Variants in SLC17A8 observed in about 807,000 individuals in gnomAD.
SLC17A8 encodes solute carrier family 17 member 8, also known as vesicular glutamate transporter 3.
In SLC17A8, 31 loss-of-function variants were observed where a neutral mutation model predicts 58.0. That is an observed-to-expected ratio of 0.53 (90% confidence interval 0.40 to 0.72). The LOEUF (loss-of-function observed/expected upper bound fraction) is 0.72, where lower values mean the gene tolerates loss of function less well. SLC17A8 is among the 30% of genes least tolerant of loss of function. The pLI is 0.00. For synonymous variants in SLC17A8, 228 were observed against 249.0 expected, an observed-to-expected ratio of 0.92 and a Z score of 0.79; for missense variants, 655 against 727.8, an observed-to-expected ratio of 0.90 and a Z score of 1.15.
At chr12:100,376,643 G>C (rs1022323029) in intron 1 of SLC17A8, among the ~76,000 whole-genome samples, 7 of 152,182 alleles carry the variant, frequency 4.6e-5, no homozygotes, top group Admixed American at 4.6e-4. Flanking sequence ...CTGTATTAAT[G>C]ATCAAATAAG....
At chr12:100,402,844 T>G (rs1431826143) in intron 8 of SLC17A8, 99 bp downstream of exon 8, 9 of 1,246,314 alleles carry the variant, frequency 7.2e-6, no homozygotes, top group Non-Finnish European at 1.0e-5. Context: ...CTGATCATAA[T>G]TCATAACAGT....
At chr12:100,357,604 T>A (rs772446062) in intron 1 of SLC17A8, 112 bp downstream of exon 1, 2 of 746,088 alleles carry the variant, frequency 2.7e-6, no homozygotes, top group Non-Finnish European at 4.8e-6. Flanking sequence ...AGAGGATGGG[T>A]CAGATTAGAT....
At chr12:100,367,679 T>C (rs1279145221) in intron 1 of SLC17A8, among the ~76,000 whole-genome samples, 1 of 152,136 alleles carries the variant, frequency 6.6e-6, no homozygotes, top group East Asian at 1.9e-4. Flanking sequence ...GCCTCCTGAG[T>C]AGCTGAGACT....
chr12:100,395,678 T>A (rs557915823), intron 4 of SLC17A8, among the ~76,000 whole-genome samples: 42 of 151,908 alleles, frequency 2.8e-4, no homozygotes, highest in African/African-American at 9.9e-4. Flanking sequence ...AGTGGTGCAA[T>A]CTCAGCTCAC....
intron 1 of SLC17A8, among the ~76,000 whole-genome samples, chr12:100,379,003 C>T (rs755598410): frequency 2.0e-5 from 3 of 152,154 alleles, no homozygotes; most frequent in South Asian, 4.1e-4. Flanking sequence ...TAATATGTCA[C>T]GTTGTCTATT....
intron 2 of SLC17A8, among the ~76,000 whole-genome samples, chr12:100,382,612 T>G (rs1952645322): frequency 6.6e-6 from 1 of 152,214 alleles, no homozygotes; most frequent in Admixed American, 6.5e-5. Context: ...CACAGTTTTT[T>G]GAACTAGTGT....
At position 100,418,083 on chromosome 12, in the gene SLC17A8, G is replaced by A; in HGVS notation, c.1352G>A (p.Gly451Glu). The A allele has an allele frequency of 6.2e-7, 1 of 1,614,146 alleles. No homozygotes were observed. Among genetic ancestry groups the A allele is most frequent in the Non-Finnish European group, 8.5e-7 (1 of 1,180,022 alleles). The change falls in exon 11 of 12, where the codon GGG becomes GAG. Residue 451 changes from glycine to glutamate, a missense_variant. By Grantham distance (98) the Gly-to-Glu change is moderately conservative (BLOSUM62 -2). Coordinates refer to ENST00000323346, the MANE Select transcript of SLC17A8 (RefSeq NM_139319.3). ...IAPRYASILM[G>E]ISNGVGTLSG... ...CCACGCTATGCCAGCATTCTCATGGGGATCTCAAACGGAGTGGGAACCCTC... is the reference window on the plus strand; with the variant it reads ...CCACGCTATGCCAGCATTCTCATGGAGATCTCAAACGGAGTGGGAACCCTC...
At chr12:100,364,102 G>A (rs1217248504) in intron 1 of SLC17A8, among the ~76,000 whole-genome samples, 2 of 150,286 alleles carry the variant, frequency 1.3e-5, no homozygotes, top group Admixed American at 1.3e-4. Flanking sequence ...GTCAGCTTCT[G>A]GATGGTGTGG....
rs1293916585 is a variant in SLC17A8 at position 100,402,679 on chromosome 12, C to CTTT, written c.989_991dup (p.Phe330dup). On this transcript the variant is annotated inframe_insertion, in exon 8 of 12. Coordinates refer to ENST00000323346, the MANE Select transcript of SLC17A8 (RefSeq NM_139319.3). ...TGGCAAATTTTTGCAGAAGCTGGAC[C>CTTT]TTTTATTTGCTCCTCATAAGTCAGC... is the stretch of plus-strand genomic sequence containing the variant. 6.2e-7 allele frequency: 1 copy of CTTT among 1,613,940 alleles called. No homozygotes were observed. Among genetic ancestry groups the CTTT allele is most frequent in the Non-Finnish European group, 8.5e-7 (1 of 1,179,992 alleles).
intron 10 of SLC17A8, among the ~76,000 whole-genome samples, chr12:100,416,287 C>T (rs1172414654): frequency 1.3e-5 from 2 of 152,200 alleles, no homozygotes; most frequent in African/African-American, 4.8e-5. Flanking sequence ...TAATACTCAA[C>T]AATCATATTA....
intron 2 of SLC17A8, among the ~76,000 whole-genome samples, chr12:100,385,224 G>A (rs1195500240): frequency 1.4e-5 from 2 of 139,818 alleles, no homozygotes; most frequent in Non-Finnish European, 3.0e-5. Flanking sequence ...TGGCTTTGCT[G>A]TCTTAAACAT....
chr12:100,392,557 T>G (rs1295770957), intron 3 of SLC17A8, among the ~76,000 whole-genome samples: 1 of 152,214 alleles, frequency 6.6e-6, no homozygotes, highest in Non-Finnish European at 1.5e-5. Flanking sequence ...TCTATTGTAT[T>G]CTTTTTAAAA....
chr12:100,392,706 T>C (rs962845714), intron 3 of SLC17A8, among the ~76,000 whole-genome samples: 19 of 151,828 alleles, frequency 1.3e-4, no homozygotes, highest in African/African-American at 4.4e-4. Flanking sequence ...GGGAAGAAAA[T>C]GCTGCTTGCT....
intron 1 of SLC17A8, among the ~76,000 whole-genome samples, chr12:100,362,295 C>T (rs1398652651): frequency 6.6e-6 from 1 of 152,198 alleles, no homozygotes; most frequent in Non-Finnish European, 1.5e-5. Flanking sequence ...CCAGAACTGT[C>T]ACCTCATCAC....
At chr12:100,362,410 A>G (rs1173752631) in intron 1 of SLC17A8, among the ~76,000 whole-genome samples, 3 of 152,146 alleles carry the variant, frequency 2.0e-5, no homozygotes, top group Admixed American at 6.5e-5. Context: ...TTTTAAAATA[A>G]TAGAGATGGG....
At position 100,365,399 on chromosome 12, in the gene SLC17A8, C is replaced by T. The variant is rs192510705; in HGVS notation, c.101+7907C>T. ...TTTTCCTATTCAGATGACTTTAGTA[C>T]CAAGGGTATGCTGGAGAATACAGCC... is the stretch of plus-strand genomic sequence containing the variant. On this transcript the variant is annotated intron_variant, in intron 1 of 11. Transcript: ENST00000323346. Among the ~76,000 whole-genome samples, 375 of 152,272 alleles carry T rather than the reference C, an allele frequency of 2.5e-3. 1 individual carries two copies. Among genetic ancestry groups the T allele is most frequent in the Middle Eastern group, 6.8e-3 (2 of 294 alleles).
Position 100,393,445 on chromosome 12 carries a change from T to C in SLC17A8, c.550T>C (p.Cys184Arg). The C allele has an allele frequency of 3.1e-6, 5 of 1,613,770 alleles. No individual in the cohort carries two copies. The highest frequency in any genetic ancestry group is 4.2e-6 in the Non-Finnish European group (5 of 1,179,726). ...CTCTGCAGCCAGAGTGCATTACGGA[T>C]GCGTCATGTGTGTCAGAATTCTGCA... Reference protein sequence around the residue: ...IPSAARVHYGCVMCVRILQGL... With the variant: ...IPSAARVHYGRVMCVRILQGL... Residue 184 changes from cysteine (C) to arginine (R), a missense_variant, in exon 4 of 12, where the codon TGC becomes CGC. Transcript: ENST00000323346.
intron 5 of SLC17A8, among the ~76,000 whole-genome samples, chr12:100,400,359 G>A (rs1002692060): frequency 5.3e-5 from 8 of 152,082 alleles, no homozygotes; most frequent in African/African-American, 1.4e-4. Context: ...TGATAATAGC[G>A]GTAATAGCTG....
chr12:100,397,302 G>A (rs895034766), intron 5 of SLC17A8, among the ~76,000 whole-genome samples: 2 of 152,202 alleles, frequency 1.3e-5, no homozygotes, highest in Non-Finnish European at 2.9e-5. Context: ...AACAAGACCT[G>A]ACTGTTGATC....
Sources: gnomAD v4.1 joint callset for allele counts (sites outside exome capture counted in the v4.1 genomes callset) on GRCh38, gnomAD v4.1.1 for gene constraint, MANE v1.5 for transcripts, NCBI Gene and HGNC (gene_info 2026-07-23, HGNC 2026-07-21) for gene names.